LRRC4C: variants seen among roughly 807,000 people sequenced by gnomAD.
The protein encoded by LRRC4C is leucine-rich repeat-containing protein 4C.
A neutral mutation model predicts 33.6 loss-of-function variants in LRRC4C; 5 were observed. The observed-to-expected ratio is 0.15, with a 90% CI of 0.08 to 0.31. LRRC4C has a LOEUF of 0.31. LRRC4C is among the 10% of genes least tolerant of loss of function. The pLI is 1.00. For synonymous variants in LRRC4C, 329 were observed against 302.0 expected, an observed-to-expected ratio of 1.09 and a Z score of -0.93; for missense variants, 560 against 796.7, an observed-to-expected ratio of 0.70 and a Z score of 3.58.
intron 1 of LRRC4C, among the ~76,000 whole-genome samples, chr11:41,145,309 G>A (rs952647245): frequency 2.0e-5 from 3 of 152,114 alleles, no homozygotes; most frequent in Non-Finnish European, 4.4e-5. Context: ...GAGTTTATTA[G>A]TGAAGCTGAA....
intron 1 of LRRC4C, among the ~76,000 whole-genome samples, chr11:41,183,480 T>C (rs559558876): frequency 1.3e-5 from 2 of 152,102 alleles, no homozygotes; most frequent in Non-Finnish European, 2.9e-5. Flanking sequence ...GTCAGTCAGA[T>C]CTTAGAGCTC....
chr11:40,120,960 T>A (rs896397659), intron 6 of LRRC4C, among the ~76,000 whole-genome samples: 4 of 152,138 alleles, frequency 2.6e-5, no homozygotes, highest in African/African-American at 9.6e-5. Context: ...GTCAAAAGAC[T>A]TTGGTTAGGA....
intron 5 of LRRC4C, among the ~76,000 whole-genome samples, chr11:40,147,070 T>G (rs567219538): frequency 6.6e-6 from 1 of 152,290 alleles, no homozygotes; most frequent in African/African-American, 2.4e-5. Flanking sequence ...AAGTGTTCTC[T>G]TTACCAAAGC....
In LRRC4C at chr11:40,557,679, C is replaced by CGTGT. The variant is rs35856491; in HGVS notation, c.-270+90459_-270+90462dup. ...GACATTTTTACACTGTCTATAGAGGCGTGTGTGTGTGTGTGTGTGTGTAAA... is the reference window on the plus strand; with the variant it reads ...GACATTTTTACACTGTCTATAGAGGCGTGTGTGTGTGTGTGTGTGTGTGTGTAAA... On this transcript the variant is annotated intron_variant, in intron 3 of 6. Transcript: ENST00000528697. 1.3e-4 allele frequency among the ~76,000 whole-genome samples: 19 copies of CGTGT among 149,370 alleles called. No individual in the cohort carries two copies. The East Asian group carries it at 2.2e-3, about 17-fold the overall frequency.
At chr11:40,149,973 C>T (rs1411275255) in intron 5 of LRRC4C, among the ~76,000 whole-genome samples, 1 of 152,152 alleles carries the variant, frequency 6.6e-6, no homozygotes, top group African/African-American at 2.4e-5. Context: ...TATCCTTCTG[C>T]AGTTCTGGAA....
chr11:40,326,754 T>C (rs4755547), intron 3 of LRRC4C, among the ~76,000 whole-genome samples: 133,131 of 152,154 alleles, frequency 0.87, 58,833 homozygotes, highest in South Asian at 0.97. Context: ...CTCCTGTCAG[T>C]ATTGTTGGAT....
chr11:40,422,692 C>CA (rs5791380), intron 3 of LRRC4C, among the ~76,000 whole-genome samples: 57,627 of 143,522 alleles, frequency 0.4, 11,227 homozygotes, highest in South Asian at 0.49. Flanking sequence ...ACTCATTTTA[C>CA]AAAAAAAAAA....
intron 1 of LRRC4C, among the ~76,000 whole-genome samples, chr11:41,002,275 T>C (rs1854435912): frequency 6.6e-6 from 1 of 152,168 alleles, no homozygotes; most frequent in East Asian, 1.9e-4. Flanking sequence ...TGGTGGTCCC[T>C]ACCTTGCCAA....
intron 1 of LRRC4C, among the ~76,000 whole-genome samples, chr11:41,292,410 A>G (rs1950018566): frequency 6.6e-6 from 1 of 152,102 alleles, no homozygotes; most frequent in South Asian, 2.1e-4. Flanking sequence ...CAGCGTAAAA[A>G]AAAATGTATA....
At position 40,853,815 on chromosome 11, in the gene LRRC4C, A is replaced by G. The variant is rs137884684; in HGVS notation, c.-407+79820T>C. ...ACTGAGTCAGTTGCCGTGATAGCAA[A>G]TAACATCACATTAACTAGATTTTGG... On this transcript the variant is annotated intron_variant, in intron 2 of 6. Coordinates refer to ENST00000528697, the MANE Select transcript of LRRC4C (RefSeq NM_001258419.2). Among the ~76,000 whole-genome samples the G allele has an allele frequency of 3.6e-3, 546 of 152,280 alleles. 5 individuals are homozygous for G. The highest frequency in any genetic ancestry group is 0.012 in the African/African-American group (513 of 41,560).
At chr11:40,823,147 G>A (rs1591810981) in intron 2 of LRRC4C, among the ~76,000 whole-genome samples, 2 of 151,692 alleles carry the variant, frequency 1.3e-5, no homozygotes, top group African/African-American at 4.8e-5. Flanking sequence ...AAAGAGCTTA[G>A]CCTTTTACTT....
chr11:40,465,765 T>C (rs113990885), intron 3 of LRRC4C, among the ~76,000 whole-genome samples: 5 of 151,982 alleles, frequency 3.3e-5, no homozygotes, highest in African/African-American at 1.2e-4. Context: ...AGAATGTCTA[T>C]TACTAAAAAA....
intron 3 of LRRC4C, among the ~76,000 whole-genome samples, chr11:40,475,437 A>G (rs60048920): frequency 0.024 from 3,721 of 152,076 alleles, 156 homozygotes; most frequent in African/African-American, 0.085. Flanking sequence ...ACCATCACAC[A>G]CTGGGGCCTG....
chr11:40,406,894 G>A (rs1264713537), intron 3 of LRRC4C, among the ~76,000 whole-genome samples: 1 of 152,064 alleles, frequency 6.6e-6, no homozygotes, highest in East Asian at 1.9e-4. Flanking sequence ...TCTATCCCCA[G>A]TAAGATGAAG....
chr11:40,418,970 G>A (rs1441547492), intron 3 of LRRC4C, among the ~76,000 whole-genome samples: 1 of 152,046 alleles, frequency 6.6e-6, no homozygotes, highest in East Asian at 1.9e-4. Context: ...TTTGGGCCTG[G>A]TGGTCGGGGG....
At chr11:40,472,197 G>C (rs896675663) in intron 3 of LRRC4C, among the ~76,000 whole-genome samples, 5 of 151,790 alleles carry the variant, frequency 3.3e-5, no homozygotes, top group African/African-American at 9.7e-5. Flanking sequence ...GGAGACTGGC[G>C]TGAACCTGGG....
At chr11:40,468,301 T>C (rs1355421711) in intron 3 of LRRC4C, among the ~76,000 whole-genome samples, 1 of 152,214 alleles carries the variant, frequency 6.6e-6, no homozygotes, top group Non-Finnish European at 1.5e-5. Context: ...CTGCAAATTA[T>C]GGCAGAATTG....
At chr11:40,603,623 G>T (rs1565550006) in intron 3 of LRRC4C, among the ~76,000 whole-genome samples, 1 of 152,166 alleles carries the variant, frequency 6.6e-6, no homozygotes, top group Non-Finnish European at 1.5e-5. Context: ...CCGGAATATG[G>T]TGAAAAATTT....
At chr11:41,235,317 A>G (rs1482783822) in intron 1 of LRRC4C, among the ~76,000 whole-genome samples, 3 of 141,112 alleles carry the variant, frequency 2.1e-5, no homozygotes, top group Non-Finnish European at 4.7e-5. Flanking sequence ...TCTCACTTCT[A>G]TACTCATTTT....
Sources: gnomAD v4.1 joint callset for allele counts (sites outside exome capture counted in the v4.1 genomes callset) on GRCh38, gnomAD v4.1.1 for gene constraint, MANE v1.5 for transcripts, NCBI Gene and HGNC (gene_info 2026-07-23, HGNC 2026-07-21) for gene names.